F8: variants seen among roughly 807,000 people sequenced by gnomAD.
F8 encodes coagulation factor VIII, also known as antihemophilic factor.
F8 carries 12 observed loss-of-function variants against 140.6 expected under a neutral mutation model. That is an observed-to-expected ratio of 0.09 (90% CI 0.05 to 0.14). F8 has a LOEUF of 0.14. Among genes scored for constraint, F8 ranks in the 10% least tolerant of loss-of-function variants. The pLI, the probability that F8 is intolerant of heterozygous loss-of-function variation, is 1.00. For synonymous variants in F8, 585 were observed against 614.6 expected, an observed-to-expected ratio of 0.95 and a Z score of 0.71; for missense variants, 1,354 against 1,720.7, an observed-to-expected ratio of 0.79 and a Z score of 3.77.
intron 22 of F8, among the ~76,000 whole-genome samples, chrX:154,877,417 G>T (rs1218851422): frequency 1.8e-5 from 2 of 112,104 alleles, no homozygotes; most frequent in Non-Finnish European, 3.8e-5. Flanking sequence ...TGGCTTCGAA[G>T]ATGGAGGAAG....
chrX:155,015,530 G>A (rs1432483804), intron 1 of F8, among the ~76,000 whole-genome samples: 2 of 111,808 alleles, frequency 1.8e-5, no homozygotes, highest in Non-Finnish European at 3.8e-5. Flanking sequence ...ATTAAAAACT[G>A]GCAAACCATT....
intron 13 of F8, among the ~76,000 whole-genome samples, chrX:154,944,362 C>A (rs1366210575): frequency 9.0e-6 from 1 of 110,525 alleles, no homozygotes; most frequent in African/African-American, 3.3e-5. Context: ...GGGCGAAGGA[C>A]ATGAACAGAC....
At chrX:154,953,802 A>G (rs2073349384) in intron 12 of F8, 90 bp downstream of exon 12, 3 of 1,039,827 alleles carry the variant, frequency 2.9e-6, no homozygotes, top group Admixed American at 2.2e-5. Flanking sequence ...TTATGTGCAC[A>G]TACAATTCAT....
rs35295375 is a variant in F8, at chrX:154,930,843, C to G, written c.2947G>C (p.Val983Leu). The G allele has an allele frequency of 1.7e-6, 2 of 1,206,329 alleles. No homozygotes were observed. The highest frequency in any genetic ancestry group is 2.2e-6 in the Non-Finnish European group (2 of 893,355). The change falls in exon 14 of 26, where the codon GTA becomes CTA. Residue 983 changes from valine (V) to leucine (L), a missense_variant. Transcript: ENST00000360256. ...NSQESSWGKN[V>L]SSTESGRLFK... ...AACCTACCACTCTCTGTTGACGATA[C>G]ATTTTTTCCCCATGAACTTTCTTGG...
At chrX:154,972,846 G>T (rs1481005954) in intron 6 of F8, among the ~76,000 whole-genome samples, 1 of 106,319 alleles carries the variant, frequency 9.4e-6, no homozygotes, top group Non-Finnish European at 1.9e-5. Context: ...CTCCCAAGTT[G>T]CTGGGACTAC....
chrX:155,001,116 A>C (rs1181625115), intron 1 of F8, among the ~76,000 whole-genome samples: 2 of 111,013 alleles, frequency 1.8e-5, no homozygotes, highest in Non-Finnish European at 3.8e-5. Flanking sequence ...TGTTCCTTTC[A>C]GGAGCAGCCA....
intron 16 of F8, 65 bp from the exon 17 acceptor site, chrX:154,904,589 C>T: frequency 9.7e-7 from 1 of 1,028,152 alleles, no homozygotes; most frequent in Non-Finnish European, 1.4e-6. Flanking sequence ...GAGTGGATTT[C>T]TCATCAATTT....
At chrX:154,976,142 G>A (rs927910394) in intron 6 of F8, among the ~76,000 whole-genome samples, 2 of 112,061 alleles carry the variant, frequency 1.8e-5, no homozygotes, top group African/African-American at 3.2e-5. Context: ...TGATCCACCC[G>A]CCTCAGCCTC....
chrX:154,942,655 G>T (rs1258482417), intron 13 of F8, among the ~76,000 whole-genome samples: 6 of 111,232 alleles, frequency 5.4e-5, no homozygotes, highest in Non-Finnish European at 9.4e-5. Flanking sequence ...GAATCCTCCT[G>T]AACTCATTTT....
At chrX:155,008,659 G>A (rs2073689679) in intron 1 of F8, among the ~76,000 whole-genome samples, 1 of 110,734 alleles carries the variant, frequency 9.0e-6, no homozygotes, top group Non-Finnish European at 1.9e-5. Flanking sequence ...GTGTGCGCCG[G>A]GATTGCCCCA....
chrX:154,929,276 G>C lies in F8; in HGVS notation c.4514C>G (p.Pro1505Arg). The C allele has an allele frequency of 8.3e-7, 1 of 1,211,803 alleles. No homozygotes were observed. The highest frequency in any genetic ancestry group is 1.8e-5 in the South Asian group (1 of 57,018). Residue 1505 changes from proline (P) to arginine (R), a missense_variant, in exon 14 of 26, where the codon CCC becomes CGC. Coordinates refer to ENST00000360256, the MANE Select transcript of F8 (RefSeq NM_000132.4). Reference protein sequence around the residue: ...ENTVLPKPDLPKTSGKVELLP... With the variant: ...ENTVLPKPDLRKTSGKVELLP... ...CAATTCAACTTTGCCAGATGTTTTG[G>C]GCAAGTCTGGTTTCGGGAGAACAGT...
intron 1 of F8, among the ~76,000 whole-genome samples, chrX:155,013,137 C>T (rs1460176272): frequency 2.4e-5 from 2 of 83,185 alleles, no homozygotes; most frequent in Non-Finnish European, 4.5e-5. Context: ...CAGAGCGAGA[C>T]TCCGTCTCAA....
At chrX:155,007,839 A>G (rs1294287314) in intron 1 of F8, among the ~76,000 whole-genome samples, 3 of 110,604 alleles carry the variant, frequency 2.7e-5, no homozygotes, top group Non-Finnish European at 5.7e-5. Context: ...CCTGGTGCCA[A>G]AAAGGTTGGG....
intron 25 of F8, among the ~76,000 whole-genome samples, chrX:154,838,122 G>A (rs781889014): frequency 1.8e-5 from 2 of 112,653 alleles, no homozygotes; most frequent in Admixed American, 9.4e-5. Flanking sequence ...CATGGCAAGA[G>A]CTCAGAAAAT....
chrX:154,892,881 A>T (rs1223735355), intron 22 of F8, among the ~76,000 whole-genome samples: 3 of 111,747 alleles, frequency 2.7e-5, no homozygotes, highest in Non-Finnish European at 5.6e-5. Context: ...CCCTTTTGGA[A>T]TTCAGAAAAA....
intron 9 of F8, among the ~76,000 whole-genome samples, chrX:154,963,803 C>A (rs1352024387): frequency 9.1e-6 from 1 of 110,155 alleles, no homozygotes; most frequent in Non-Finnish European, 1.9e-5. Context: ...TGGGGTAGAT[C>A]TATATATGTT....
Position 154,930,686 on chromosome X carries a change from T to G in F8, c.3104A>C (p.Asp1035Ala). The G allele has an allele frequency of 1.7e-6, 2 of 1,208,735 alleles. No homozygotes were observed. The highest frequency in any genetic ancestry group is 2.2e-6 in the Non-Finnish European group (2 of 893,711). ...ATTCTCAATTAATAATGATGGGCCATCAATGTGAGTCTTTCTATTAGTTGC... is the reference window on the plus strand; with the variant it reads ...ATTCTCAATTAATAATGATGGGCCAGCAATGTGAGTCTTTCTATTAGTTGC... ...NSATNRKTHI[D>A]GPSLLIENSP... Residue 1035 changes from aspartate to alanine, a missense_variant, in exon 14 of 26, where the codon GAT becomes GCT. Coordinates refer to ENST00000360256, the MANE Select transcript of F8 (RefSeq NM_000132.4).
chrX:154,939,284 G>A (rs1489757719), intron 13 of F8, among the ~76,000 whole-genome samples: 1 of 112,282 alleles, frequency 8.9e-6, no homozygotes, highest in Non-Finnish European at 1.9e-5. Flanking sequence ...AGGGGTGACA[G>A]ATGGCACCTG....
At chrX:154,958,572 AAATAAAGAATTCTTATCGGC>A (rs2124096294) in intron 10 of F8, among the ~76,000 whole-genome samples, 1 of 111,947 alleles carries the variant, frequency 8.9e-6, no homozygotes, top group African/African-American at 3.2e-5. Context: ...AAAGAAATGC[AAATAAAGAATTCTTATCGGC>A]AATAATGAAT....
Sources: gnomAD v4.1 joint callset for allele counts (sites outside exome capture counted in the v4.1 genomes callset) on GRCh38, gnomAD v4.1.1 for gene constraint, MANE v1.5 for transcripts, NCBI Gene and HGNC (gene_info 2026-07-23, HGNC 2026-07-21) for gene names.